Variants in GNAI3 observed in about 807,000 individuals in gnomAD.
GNAI3 encodes G protein subunit alpha i3, also known as guanine nucleotide-binding protein G(i) subunit alpha-3.
A neutral mutation model predicts 41.8 loss-of-function variants in GNAI3; 12 were observed. The observed-to-expected ratio is 0.29, with a 90% confidence interval of 0.18 to 0.47. GNAI3 has a LOEUF of 0.47. Among genes scored for constraint, GNAI3 ranks in the 20% least tolerant of loss-of-function variants. GNAI3 has a pLI of 1.00. For missense variants in GNAI3, 360 were observed against 429.6 expected (o/e 0.84, Z 1.43); for synonymous variants, 132 against 146.5 (o/e 0.90, Z 0.71).
chr1:109,577,124 A>ATTAT (rs1648767981), intron 3 of GNAI3, among the ~76,000 whole-genome samples: 1 of 151,894 alleles, frequency 6.6e-6, no homozygotes, highest in Non-Finnish European at 1.5e-5. Flanking sequence ...TGTTAGATAA[A>ATTAT]GCACCATACC....
chr1:109,552,178 T>A (rs990616151), intron 1 of GNAI3, among the ~76,000 whole-genome samples: 15 of 150,150 alleles, frequency 1.0e-4, no homozygotes, highest in East Asian at 1.9e-4. Context: ...AAAAAAAAAA[T>A]AAAGTGTTCT....
At chr1:109,590,581 CT>C (rs201086144) in intron 7 of GNAI3, among the ~76,000 whole-genome samples, 262 of 144,684 alleles carry the variant, frequency 1.8e-3, no homozygotes, top group African/African-American at 2.3e-3. Flanking sequence ...TTTTCCTTTC[CT>C]TTTTTTTTTT....
intron 6 of GNAI3, 129 bp downstream of exon 6, chr1:109,586,474 G>A: frequency 1.1e-6 from 1 of 940,848 alleles, no homozygotes. Flanking sequence ...TTTTTGATCT[G>A]TGCCCTATTA....
At chr1:109,588,815 C>A (rs993141595) in intron 7 of GNAI3, among the ~76,000 whole-genome samples, 1 of 152,102 alleles carries the variant, frequency 6.6e-6, no homozygotes, top group African/African-American at 2.4e-5. Context: ...ATCGCTTGAA[C>A]CCGGGAGGCG....
chr1:109,584,519 T>C (rs1482428555), intron 5 of GNAI3, among the ~76,000 whole-genome samples: 1 of 152,240 alleles, frequency 6.6e-6, no homozygotes, highest in African/African-American at 2.4e-5. Flanking sequence ...TATGCCATGA[T>C]CAATAGCCAG....
At chr1:109,571,742 A>G (rs1365812575) in intron 1 of GNAI3, among the ~76,000 whole-genome samples, 1 of 151,874 alleles carries the variant, frequency 6.6e-6, no homozygotes, top group African/African-American at 2.4e-5. Context: ...ACATGGTGAA[A>G]CCCCGTCTCT....
chr1:109,567,186 C>T (rs1485441634), intron 1 of GNAI3, among the ~76,000 whole-genome samples: 1 of 152,184 alleles, frequency 6.6e-6, no homozygotes, highest in Non-Finnish European at 1.5e-5. Context: ...CTTGGTCTAG[C>T]ACTGACTAAA....
chr1:109,586,204 C>T lies in GNAI3; in HGVS notation c.591-12C>T. 6.2e-7 allele frequency: 1 copy of T among 1,610,854 alleles called. No individual in the cohort carries two copies. The highest frequency in any genetic ancestry group is 8.5e-7 in the Non-Finnish European group (1 of 1,178,136). On this transcript the variant is annotated splice_polypyrimidine_tract_variant and intron_variant, in intron 5 of 8. Transcript: ENST00000369851. ...TGACCTTGCTGAATTTGCTTTCTTT[C>T]CCCTTGCGCAGGATGTTTGATGTAG... is the stretch of plus-strand genomic sequence containing the variant.
At chr1:109,591,952 C>A in intron 7 of GNAI3, 91 bp from the exon 8 acceptor site, 1 of 664,882 alleles carries the variant, frequency 1.5e-6, no homozygotes, top group Non-Finnish European at 2.6e-6. Flanking sequence ...GGGTTATGTT[C>A]CCTCTCCATA....
chr1:109,586,219 G>GTT lies in GNAI3; in HGVS notation c.596_597dup (p.Asp200LeufsTer3). ...TGCTTTCTTTCCCCTTGCGCAGGAT[G>GTT]TTTGATGTAGGTGGCCAAAGATCAG... On this transcript the variant is annotated frameshift_variant, in exon 6 of 9. Transcript: ENST00000369851. LOFTEE classifies it high-confidence loss of function. 4 of 1,613,228 alleles carry GTT rather than the reference G, an allele frequency of 2.5e-6. No homozygotes were observed. Among genetic ancestry groups the GTT allele is most frequent in the Non-Finnish European group, 3.4e-6 (4 of 1,179,468 alleles).
Position 109,597,916 on chromosome 1 carries a change from G to A in GNAI3, c.*5594G>A, listed in dbSNP as rs936722205. 3.3e-5 allele frequency: 5 copies of A among 152,212 alleles called. No individual in the cohort carries two copies. The highest frequency in any genetic ancestry group is 7.3e-5 in the Non-Finnish European group (5 of 68,036). The allele number at this position is 152,212 out of a possible 1,614,324, so 9.4% of individuals were successfully genotyped here. On this transcript the variant is annotated 3_prime_UTR_variant, in exon 9 of 9. Coordinates refer to ENST00000369851, the MANE Select transcript of GNAI3 (RefSeq NM_006496.4). The stretch of plus-strand genomic sequence containing the variant: ...ACGGGGGTATATAAGGGGAATGATT[G>A]AGTCACATGTAAAAGCCTTTGTATG...
chr1:109,552,460 A>G (rs1011479473), intron 1 of GNAI3, among the ~76,000 whole-genome samples: 3 of 152,010 alleles, frequency 2.0e-5, no homozygotes, highest in Non-Finnish European at 4.4e-5. Flanking sequence ...ACAATTAGAG[A>G]TGGGGGTCTC....
chr1:109,582,557 A>C lies in GNAI3; in HGVS notation c.582A>C (p.Leu194=). 1 of 1,607,000 alleles carries C rather than the reference A, an allele frequency of 6.2e-7. No individual in the cohort carries two copies. Among genetic ancestry groups the C allele is most frequent in the Non-Finnish European group, 8.5e-7 (1 of 1,173,560 alleles). Residue 194 remains leucine (L), a synonymous_variant, in exon 5 of 9, where the codon CTA becomes CTC. Coordinates refer to ENST00000369851, the MANE Select transcript of GNAI3 (RefSeq NM_006496.4). ...IVETHFTFKD[L]YFKMFDVGGQ... ...AAACACATTTCACCTTCAAAGACCT[A>C]TACTTCAAGTAAGTCATTAGCCTTT...
At chr1:109,578,919 A>G (rs902208559) in intron 3 of GNAI3, among the ~76,000 whole-genome samples, 1 of 151,810 alleles carries the variant, frequency 6.6e-6, no homozygotes, top group African/African-American at 2.4e-5. Context: ...CTGGATGGAG[A>G]TTTGTGGGCT....
At chr1:109,555,963 C>CGTGTGTGTGTGTGT (rs71069692) in intron 1 of GNAI3, among the ~76,000 whole-genome samples, 13 of 144,528 alleles carry the variant, frequency 9.0e-5, no homozygotes, top group Middle Eastern at 3.3e-3. Flanking sequence ...TGCGTGCGTG[C>CGTGTGTGTGTGTGT]GTGTGTGTGT....
At chr1:109,562,910 A>G (rs1648355223) in intron 1 of GNAI3, among the ~76,000 whole-genome samples, 1 of 152,110 alleles carries the variant, frequency 6.6e-6, no homozygotes, top group South Asian at 2.1e-4. Context: ...CATTATTTTT[A>G]TGGGTTAAAA....
intron 1 of GNAI3, among the ~76,000 whole-genome samples, chr1:109,549,086 G>A (rs892148095): frequency 2.0e-5 from 3 of 152,198 alleles, no homozygotes; most frequent in Non-Finnish European, 4.4e-5. Context: ...GTTTAGCAGA[G>A]AGACTTGGGA....
chr1:109,562,559 A>G (rs532052511), intron 1 of GNAI3, among the ~76,000 whole-genome samples: 4 of 152,278 alleles, frequency 2.6e-5, no homozygotes, highest in African/African-American at 9.6e-5. Flanking sequence ...GTAGAAGTAA[A>G]TACATATGTG....
chr1:109,568,408 C>T (rs899265267), intron 1 of GNAI3, among the ~76,000 whole-genome samples: 1 of 151,900 alleles, frequency 6.6e-6, no homozygotes, highest in Non-Finnish European at 1.5e-5. Flanking sequence ...TGGTGGTGTG[C>T]CCCTGTAGTC....
Sources: allele counts gnomAD v4.1 joint callset (sites outside exome capture counted in the v4.1 genomes callset), GRCh38; gene constraint gnomAD v4.1.1; transcripts MANE v1.5; gene names NCBI Gene and HGNC (gene_info 2026-07-23, HGNC 2026-07-21).